The following CA10 variants were observed in gnomAD, a reference collection of about 807,000 sequenced individuals.
The protein encoded by CA10 is carbonic anhydrase 10 (inactive), also known as carbonic anhydrase-related protein 10.
Under a neutral mutation model 44.2 loss-of-function variants are expected in CA10, and 14 were observed. The ratio of observed to expected loss-of-function variants is 0.32; its 90% confidence interval spans 0.21 to 0.50. The LOEUF (loss-of-function observed/expected upper bound fraction) is 0.50. CA10 is among the 20% of genes least tolerant of loss of function. The pLI, the probability that CA10 is intolerant of heterozygous loss-of-function variation, is 0.99. For synonymous variants in CA10, 159 were observed against 141.6 expected (o/e 1.12, Z -0.87); for missense variants, 350 against 409.7 (o/e 0.85, Z 1.26).
chr17:51,749,876 G>A (rs531322320), intron 3 of CA10, among the ~76,000 whole-genome samples: 9 of 152,264 alleles, frequency 5.9e-5, no homozygotes, highest in African/African-American at 1.9e-4. Flanking sequence ...GTGTCTCTTC[G>A]TTCTAGTTCC....
chr17:52,123,341 G>C (rs949453742), intron 1 of CA10, among the ~76,000 whole-genome samples: 1 of 147,560 alleles, frequency 6.8e-6, no homozygotes, highest in Non-Finnish European at 1.5e-5. Flanking sequence ...GTGTGTGTGT[G>C]TGTGTGTGTG....
chr17:51,887,855 GA>G (rs1335713071), intron 3 of CA10, among the ~76,000 whole-genome samples: 437 of 126,892 alleles, frequency 3.4e-3, no homozygotes, highest in Admixed American at 5.0e-3. Flanking sequence ...AAAAAAAAAA[GA>G]AAAAAAAAAA....
At chr17:52,126,707 G>A (rs2143334568) in intron 1 of CA10, among the ~76,000 whole-genome samples, 1 of 152,112 alleles carries the variant, frequency 6.6e-6, no homozygotes, top group Middle Eastern at 3.4e-3. Context: ...TTTTTATTTG[G>A]GGCATATGTG....
intron 4 of CA10, among the ~76,000 whole-genome samples, chr17:51,663,233 G>A (rs1914073899): frequency 3.5e-3 from 1 of 282 alleles, no homozygotes; most frequent in African/African-American, 0.014. Flanking sequence ...TGCGTTTCGA[G>A]ACCACTTTTT....
At chr17:51,946,392 A>C (rs527887168) in intron 2 of CA10, among the ~76,000 whole-genome samples, 2 of 152,258 alleles carry the variant, frequency 1.3e-5, no homozygotes, top group Non-Finnish European at 2.9e-5. Flanking sequence ...AGATGCTTGT[A>C]GTATCTCTGG....
chr17:51,961,487 T>C (rs1028644137), intron 2 of CA10, among the ~76,000 whole-genome samples: 1 of 151,534 alleles, frequency 6.6e-6, no homozygotes, highest in African/African-American at 2.4e-5. Flanking sequence ...AAATTTAAAA[T>C]AGAAAACAAC....
intron 2 of CA10, among the ~76,000 whole-genome samples, chr17:52,006,576 A>T (rs1468561642): frequency 6.6e-6 from 1 of 151,332 alleles, no homozygotes; most frequent in Non-Finnish European, 1.5e-5. Context: ...ATCCTTTCTG[A>T]TTGTTGTTTG....
chr17:52,082,797 G>A (rs1252951640), intron 1 of CA10, among the ~76,000 whole-genome samples: 1 of 152,140 alleles, frequency 6.6e-6, no homozygotes, highest in Non-Finnish European at 1.5e-5. Flanking sequence ...AACTTAAGAA[G>A]CATCATTAGT....
chr17:52,084,423 G>A (rs1053923128), intron 1 of CA10, among the ~76,000 whole-genome samples: 5 of 148,492 alleles, frequency 3.4e-5, no homozygotes, highest in Admixed American at 6.8e-5. Context: ...ATAAGTGGTA[G>A]AGCCAGTGAA....
intron 4 of CA10, among the ~76,000 whole-genome samples, chr17:51,723,126 C>T (rs1428087475): frequency 6.6e-6 from 1 of 152,176 alleles, no homozygotes; most frequent in Admixed American, 6.5e-5. Flanking sequence ...CTGCCTGCTT[C>T]CCATGTGTGG....
chr17:51,979,310 T>C (rs1984570771), intron 2 of CA10, among the ~76,000 whole-genome samples: 1 of 152,180 alleles, frequency 6.6e-6, no homozygotes, highest in Non-Finnish European at 1.5e-5. Flanking sequence ...ATCTTAGTAA[T>C]ACAAAATAAA....
intron 2 of CA10, among the ~76,000 whole-genome samples, chr17:51,964,310 T>C (rs145613263): frequency 6.6e-5 from 10 of 152,138 alleles, no homozygotes; most frequent in South Asian, 2.1e-4. Flanking sequence ...CACACAATAA[T>C]CATCAGGGAC....
At chr17:51,957,206 T>G (rs1367115654) in intron 2 of CA10, among the ~76,000 whole-genome samples, 2 of 152,182 alleles carry the variant, frequency 1.3e-5, no homozygotes, top group Non-Finnish European at 2.9e-5. Flanking sequence ...AACGATTTTA[T>G]ACAAATTGAA....
chr17:52,148,612 T>C (rs1317479420), intron 1 of CA10, among the ~76,000 whole-genome samples: 1 of 152,120 alleles, frequency 6.6e-6, no homozygotes, highest in African/African-American at 2.4e-5. Flanking sequence ...TCATCTCCCC[T>C]CCCTCATGGC....
intron 3 of CA10, among the ~76,000 whole-genome samples, chr17:51,863,140 T>C (rs1396214223): frequency 6.6e-6 from 1 of 152,232 alleles, no homozygotes; most frequent in East Asian, 1.9e-4. Context: ...TTTGGGGTAC[T>C]GCATAAGTCA....
At chr17:51,718,154 A>C (rs1044496360) in intron 4 of CA10, among the ~76,000 whole-genome samples, 5 of 151,552 alleles carry the variant, frequency 3.3e-5, no homozygotes, top group Non-Finnish European at 7.4e-5. Flanking sequence ...AAAATCTCAC[A>C]AATCACCACT....
At chr17:51,922,437 C>T (rs535504597) in intron 3 of CA10, among the ~76,000 whole-genome samples, 1 of 152,242 alleles carries the variant, frequency 6.6e-6, no homozygotes. Context: ...TTCCTCTAAC[C>T]ACAACTTTTT....
intron 1 of CA10, among the ~76,000 whole-genome samples, chr17:52,081,106 C>G (rs1456001350): frequency 6.6e-6 from 1 of 151,846 alleles, no homozygotes; most frequent in African/African-American, 2.4e-5. Context: ...GGGAGGGAGA[C>G]AGAGAAAAGG....
intron 3 of CA10, among the ~76,000 whole-genome samples, chr17:51,794,976 A>G (rs1906651682): frequency 6.6e-6 from 1 of 152,180 alleles, no homozygotes; most frequent in South Asian, 2.1e-4. Context: ...CTTTGGGAGA[A>G]AGAGACCACA....
Sources: gnomAD v4.1 joint callset for allele counts (sites outside exome capture counted in the v4.1 genomes callset) on GRCh38, gnomAD v4.1.1 for gene constraint, MANE v1.5 for transcripts, NCBI Gene and HGNC (gene_info 2026-07-23, HGNC 2026-07-21) for gene names.